Variants in GALNT13 observed in about 807,000 individuals in gnomAD.
The protein encoded by GALNT13 is polypeptide N-acetylgalactosaminyltransferase 13, also known as UDP-GalNAc:polypeptide N-acetylgalactosaminyltransferase 13.
Under a neutral mutation model 64.2 loss-of-function variants are expected in GALNT13, and 28 were observed. The ratio of observed to expected loss-of-function variants is 0.44; its 90% CI spans 0.32 to 0.60. The LOEUF (loss-of-function observed/expected upper bound fraction) is 0.60, where lower values mean the gene tolerates loss of function less well. Ranked by LOEUF, GALNT13 falls within the 20% of genes least tolerant of loss-of-function variation. The pLI, the probability that GALNT13 is intolerant of heterozygous loss-of-function variation, is 0.05. For missense variants in GALNT13, 577 were observed against 669.8 expected, an observed-to-expected ratio of 0.86 and a Z score of 1.53; for synonymous variants, 214 against 224.6, an observed-to-expected ratio of 0.95 and a Z score of 0.42.
the GALNT13 span, among the ~76,000 whole-genome samples, chr2:153,258,395 AAAACAAAACC>A: frequency 6.6e-6 from 1 of 150,632 alleles, no homozygotes; most frequent in Non-Finnish European, 1.5e-5. Flanking sequence ...AAAACAAAAC[AAAACAAAACC>A]CAACTTTTCA....
the GALNT13 span, among the ~76,000 whole-genome samples, chr2:153,084,879 G>A: frequency 2.0e-5 from 3 of 152,208 alleles, no homozygotes; most frequent in African/African-American, 7.2e-5. Context: ...CCCAGAAATG[G>A]GGAAGTAACT....
the GALNT13 span, among the ~76,000 whole-genome samples, chr2:153,412,106 G>A: frequency 6.6e-6 from 1 of 152,180 alleles, no homozygotes; most frequent in Non-Finnish European, 1.5e-5. Context: ...CGGTCTCCAA[G>A]TTCTTCAGTT....
chr2:153,203,793 T>TCATTTC, the GALNT13 span, among the ~76,000 whole-genome samples: 4 of 152,194 alleles, frequency 2.6e-5, no homozygotes, highest in Non-Finnish European at 5.9e-5. Flanking sequence ...ATTACTCTTA[T>TCATTTC]CATTTCCATT....
Position 154,409,026 on chromosome 2 carries a change from C to G in GALNT13, c.1339C>G (p.Arg447Gly). 1 of 1,611,230 alleles carries G rather than the reference C, an allele frequency of 6.2e-7. No homozygotes were observed. The highest frequency in any genetic ancestry group is 8.5e-7 in the Non-Finnish European group (1 of 1,178,148). Residue 447 changes from arginine to glycine, a missense_variant, in exon 11 of 13, where the codon CGC (arginine) becomes GGC (glycine). Physicochemically the swap from Arg to Gly is moderately radical, Grantham distance 125. Coordinates refer to ENST00000392825, the MANE Select transcript of GALNT13 (RefSeq NM_052917.4). ...ETNQCLDNMGRKENEKVGIFN... is the reference protein window; with the variant it reads ...ETNQCLDNMGGKENEKVGIFN... ...CAATCAGTGTTTAGACAACATGGGC[C>G]GCAAGGAAAATGAAAAAGTGGGTAT...
At chr2:154,133,057 G>A (rs528339619) in intron 3 of GALNT13, among the ~76,000 whole-genome samples, 53 of 152,268 alleles carry the variant, frequency 3.5e-4, no homozygotes, top group South Asian at 1.7e-3. Context: ...ATCCACTGTA[G>A]TGCCTATTGG....
chr2:153,148,570 A>G, the GALNT13 span, among the ~76,000 whole-genome samples: 1 of 150,858 alleles, frequency 6.6e-6, no homozygotes, highest in Non-Finnish European at 1.5e-5. Flanking sequence ...TGGATCCACC[A>G]GTGCTTAGTG....
the GALNT13 span, among the ~76,000 whole-genome samples, chr2:153,452,022 C>G: frequency 1.3e-5 from 2 of 152,212 alleles, no homozygotes; most frequent in Non-Finnish European, 2.9e-5. Context: ...GAAGGACAAC[C>G]TCCTAAACAG....
chr2:154,143,064 A>G (rs1045365160), intron 4 of GALNT13, among the ~76,000 whole-genome samples: 2 of 152,124 alleles, frequency 1.3e-5, no homozygotes, highest in African/African-American at 4.8e-5. Flanking sequence ...GTTTTGTGGA[A>G]GACAATTTTT....
intron 4 of GALNT13, among the ~76,000 whole-genome samples, chr2:154,158,478 T>G (rs1235098044): frequency 1.3e-5 from 2 of 152,204 alleles, no homozygotes; most frequent in African/African-American, 4.8e-5. Context: ...TTGTTTGTTT[T>G]GGTTTTGTTT....
intron 3 of GALNT13, among the ~76,000 whole-genome samples, chr2:153,984,744 C>A (rs556861168): frequency 1.3e-5 from 2 of 151,930 alleles, no homozygotes; most frequent in South Asian, 4.1e-4. Context: ...ATAATTATAG[C>A]TTATTGTTCT....
chr2:154,295,211 G>A (rs1383989358), intron 8 of GALNT13, among the ~76,000 whole-genome samples: 3 of 152,056 alleles, frequency 2.0e-5, no homozygotes, highest in African/African-American at 7.2e-5. Flanking sequence ...ATTTAGTGGA[G>A]TACAGATTTA....
the GALNT13 span, among the ~76,000 whole-genome samples, chr2:153,624,792 CTT>C: frequency 0.048 from 5,796 of 121,206 alleles, 126 homozygotes; most frequent in Middle Eastern, 0.084. Flanking sequence ...GGAAGAGAGA[CTT>C]TTTTTTTTTT....
chr2:153,753,441 T>C, the GALNT13 span, among the ~76,000 whole-genome samples: 1 of 152,178 alleles, frequency 6.6e-6, no homozygotes, highest in East Asian at 1.9e-4. Context: ...TTAAGATGTA[T>C]CTGTTTTATG....
intron 8 of GALNT13, among the ~76,000 whole-genome samples, chr2:154,292,259 T>C (rs959572827): frequency 6.6e-6 from 1 of 152,164 alleles, no homozygotes; most frequent in Non-Finnish European, 1.5e-5. Context: ...CAGAGCCTGC[T>C]CTTTCACCAT....
intron 9 of GALNT13, among the ~76,000 whole-genome samples, chr2:154,355,877 G>A (rs62172295): frequency 6.6e-6 from 1 of 151,972 alleles, no homozygotes; most frequent in South Asian, 2.1e-4. Context: ...ACCAAGAAGA[G>A]GATTTAAATT....
chr2:153,768,724 G>A, the GALNT13 span, among the ~76,000 whole-genome samples: 8 of 152,068 alleles, frequency 5.3e-5, no homozygotes, highest in Non-Finnish European at 7.4e-5. Flanking sequence ...AAATTAGTTA[G>A]GCATGGTGGC....
At chr2:153,905,557 G>A (rs1173654843) in intron 2 of GALNT13, among the ~76,000 whole-genome samples, 1 of 151,910 alleles carries the variant, frequency 6.6e-6, no homozygotes, top group Non-Finnish European at 1.5e-5. Flanking sequence ...TGCTTCTTGT[G>A]ATGATGTGAG....
the GALNT13 span, among the ~76,000 whole-genome samples, chr2:153,118,122 C>T: frequency 6.9e-6 from 1 of 145,288 alleles, no homozygotes; most frequent in Non-Finnish European, 1.5e-5. Context: ...CACACACACA[C>T]ACACACACAC....
At chr2:153,448,407 T>C in the GALNT13 span, among the ~76,000 whole-genome samples, 13 of 152,188 alleles carry the variant, frequency 8.5e-5, no homozygotes, top group African/African-American at 3.1e-4. Flanking sequence ...AGCAGACAAA[T>C]CTTTGTTGTC....
Sources: allele counts gnomAD v4.1 joint callset (sites outside exome capture counted in the v4.1 genomes callset), GRCh38; gene constraint gnomAD v4.1.1; transcripts MANE v1.5; gene names NCBI Gene and HGNC (gene_info 2026-07-23, HGNC 2026-07-21).